The following TRPM7 variants were observed in gnomAD, a reference collection of about 807,000 sequenced individuals.
TRPM7 encodes the protein transient receptor potential cation channel subfamily M member 7.
In TRPM7, 134 loss-of-function variants were observed where a neutral mutation model predicts 229.7. That is an observed-to-expected ratio of 0.58 (90% CI 0.51 to 0.67). The LOEUF (loss-of-function observed/expected upper bound fraction) is 0.67. Ranked by LOEUF, TRPM7 falls within the 30% of genes least tolerant of loss-of-function variation. The pLI is 0.00. For synonymous variants in TRPM7, 699 were observed against 715.2 expected (o/e 0.98, Z 0.36); for missense variants, 1,901 against 2,210.0 (o/e 0.86, Z 2.80).
chr15:50,679,856 A>C (rs2062204464), intron 1 of TRPM7, among the ~76,000 whole-genome samples: 2 of 152,162 alleles, frequency 1.3e-5, no homozygotes, highest in East Asian at 3.9e-4. Flanking sequence ...CTTTTAACAA[A>C]GAGTTACACC....
chr15:50,574,192 A>T, intron 36 of TRPM7, 82 bp downstream of exon 36: 1 of 1,114,516 alleles, frequency 9.0e-7, no homozygotes, highest in East Asian at 2.4e-5. Flanking sequence ...ATTTATCTAT[A>T]AATTAGCAGA....
intron 12 of TRPM7, among the ~76,000 whole-genome samples, chr15:50,621,571 T>C (rs966584175): frequency 6.6e-6 from 1 of 152,204 alleles, no homozygotes; most frequent in Non-Finnish European, 1.5e-5. Context: ...ATTCTTATTC[T>C]CTCAGTGTTT....
rs753350394 is a variant in TRPM7 at position 50,648,645 on chromosome 15, AAAT to A, written c.321+39_321+41del. ...ACACAAATTGTGATGTTTATTATTT[AAAT>A]AACAACATAAATGAAGAAAAATCCA... On this transcript the variant is annotated intron_variant, in intron 4 of 38. Coordinates refer to ENST00000646667, the MANE Select transcript of TRPM7 (RefSeq NM_017672.6). The A allele has an allele frequency of 2.6e-6, 4 of 1,523,308 alleles. No individual in the cohort carries two copies. The South Asian group carries it at 5.0e-5, about 19-fold the overall frequency. The allele number at this position is 1,523,308 out of a possible 1,614,324, so 94.4% of individuals were successfully genotyped here.
chr15:50,636,667 G>C (rs777034081), intron 7 of TRPM7, among the ~76,000 whole-genome samples: 3 of 152,084 alleles, frequency 2.0e-5, no homozygotes, highest in Non-Finnish European at 4.4e-5. Flanking sequence ...TTCAGACATG[G>C]TTGGAAAGAA....
At chr15:50,595,512 T>C (rs2059609860) in intron 23 of TRPM7, among the ~76,000 whole-genome samples, 1 of 151,852 alleles carries the variant, frequency 6.6e-6, no homozygotes, top group South Asian at 2.1e-4. Flanking sequence ...GAAGAATATT[T>C]GTTTATCTGA....
intron 14 of TRPM7, 104 bp downstream of exon 14, chr15:50,614,019 T>C (rs2060142635): frequency 7.4e-7 from 1 of 1,358,988 alleles, no homozygotes; most frequent in Middle Eastern, 2.6e-4. Flanking sequence ...TGTTCAACTT[T>C]ATGACAGTGT....
At chr15:50,617,168 AAATAAATAAAT>A (rs1439538527) in intron 13 of TRPM7, among the ~76,000 whole-genome samples, 11 of 127,588 alleles carry the variant, frequency 8.6e-5, no homozygotes, top group African/African-American at 3.4e-4. Context: ...ATAAATAAAT[AAATAAATAAAT>A]AAAATAAATT....
At chr15:50,681,700 C>T (rs1024580517) in intron 1 of TRPM7, among the ~76,000 whole-genome samples, 3 of 152,148 alleles carry the variant, frequency 2.0e-5, no homozygotes, top group Non-Finnish European at 4.4e-5. Context: ...CCACAAGGAG[C>T]TTTGTTTCCA....
intron 1 of TRPM7, among the ~76,000 whole-genome samples, chr15:50,677,782 T>C (rs922063943): frequency 2.1e-5 from 3 of 141,936 alleles, no homozygotes; most frequent in Admixed American, 7.1e-5. Flanking sequence ...CCAGAGCCTC[T>C]ACTAAGTAAC....
At chr15:50,659,256 T>C (rs2061669117) in intron 2 of TRPM7, among the ~76,000 whole-genome samples, 1 of 151,574 alleles carries the variant, frequency 6.6e-6, no homozygotes, top group South Asian at 2.1e-4. Context: ...CACAGTGGGC[T>C]ACACTATATA....
At chr15:50,605,436 T>C (rs895034150) in intron 20 of TRPM7, among the ~76,000 whole-genome samples, 3 of 152,216 alleles carry the variant, frequency 2.0e-5, no homozygotes, top group Admixed American at 6.5e-5. Context: ...TGAAAAATTG[T>C]TTTATTTCAA....
Position 50,612,709 on chromosome 15 carries a change from G to C in TRPM7, c.1891C>G (p.Leu631Val). The part of the protein sequence containing the change: ...PLNELLIWAC[L>V]MKRQVMARFL... ...CGGGCCATGACCTGCCTCTTCATAA[G>C]GCAAGCCCAAATTAAAAGTTCATTA... Residue 631 changes from leucine (L) to valine (V), a missense_variant, in exon 16 of 39, where the codon CTT (leucine) becomes GTT (valine). Around this residue, in one of 8 missense-constraint regions of TRPM7, gnomAD observed 794 missense variants for 881.9 expected, o/e 0.90. Transcript: ENST00000646667. The C allele has an allele frequency of 6.2e-7, 1 of 1,614,072 alleles. No homozygotes were observed. The highest frequency in any genetic ancestry group is 8.5e-7 in the Non-Finnish European group (1 of 1,180,004).
intron 1 of TRPM7, among the ~76,000 whole-genome samples, chr15:50,676,362 A>G (rs1013314993): frequency 3.3e-5 from 5 of 152,080 alleles, no homozygotes; most frequent in African/African-American, 1.2e-4. Flanking sequence ...AATTCTAGCT[A>G]TGGAGAAGTA....
intron 1 of TRPM7, among the ~76,000 whole-genome samples, chr15:50,685,386 G>GGCGGATGTT (rs1405044128): frequency 2.6e-5 from 4 of 152,240 alleles, no homozygotes; most frequent in African/African-American, 4.8e-5. Flanking sequence ...GAATCCCGGA[G>GGCGGATGTT]GCGGATGTTG....
chr15:50,603,219 A>G (rs2059826123), intron 21 of TRPM7, among the ~76,000 whole-genome samples: 1 of 152,190 alleles, frequency 6.6e-6, no homozygotes, highest in African/African-American at 2.4e-5. Flanking sequence ...ATAATAATTT[A>G]TATTTAGAAA....
At chr15:50,625,183 A>G (rs377717130) in intron 11 of TRPM7, among the ~76,000 whole-genome samples, 11 of 152,236 alleles carry the variant, frequency 7.2e-5, no homozygotes, top group South Asian at 4.2e-4. Flanking sequence ...AATATTTTGT[A>G]TATTTCTGTG....
intron 1 of TRPM7, among the ~76,000 whole-genome samples, chr15:50,682,500 CAGG>C (rs2062265146): frequency 6.6e-6 from 1 of 150,948 alleles, no homozygotes; most frequent in South Asian, 2.1e-4. Flanking sequence ...CACTTGAATC[CAGG>C]AGGCGGAGGT....
intron 17 of TRPM7, among the ~76,000 whole-genome samples, chr15:50,610,552 A>G (rs1437635721): frequency 3.3e-5 from 5 of 152,126 alleles, no homozygotes; most frequent in African/African-American, 1.2e-4. Flanking sequence ...CCTTATTTTA[A>G]AAGATATAAG....
In TRPM7 at chr15:50,663,007, C is replaced by G; in HGVS notation, c.43G>C (p.Glu15Gln). ...GAACTTGGTATAATATATACACATT[C>G]CCTCTTGGTCAAAGTGCTTTCTATC... is the stretch of plus-strand genomic sequence containing the variant. ...SWIESTLTKR[E>Q]CVYIIPSSKD... The change falls in exon 2 of 39, where the codon GAA becomes CAA. Residue 15 changes from glutamate (E) to glutamine (Q), a missense_variant. Physicochemically the swap from Glu to Gln is conservative, Grantham distance 29 (BLOSUM62 2). This residue lies in a region of TRPM7 where 794 missense variants were observed against 881.9 expected (regional missense o/e 0.90). Transcript: ENST00000646667. 6.2e-7 allele frequency: 1 copy of G among 1,613,794 alleles called. No individual in the cohort carries two copies. Among genetic ancestry groups the G allele is most frequent in the Non-Finnish European group, 8.5e-7 (1 of 1,179,832 alleles).
Sources: allele counts gnomAD v4.1 joint callset (sites outside exome capture counted in the v4.1 genomes callset), GRCh38; gene constraint gnomAD v4.1.1; regional missense constraint gnomAD v4.1.1; transcripts MANE v1.5; gene names NCBI Gene and HGNC (gene_info 2026-07-23, HGNC 2026-07-21).